The following MBLAC2 variants were observed in gnomAD, a reference collection of about 807,000 sequenced individuals.
MBLAC2 encodes acyl-coenzyme A thioesterase MBLAC2.
Under a neutral mutation model 23.3 loss-of-function variants are expected in MBLAC2, and 24 were observed. The observed-to-expected ratio is 1.03, with a 90% CI of 0.75 to 1.45. MBLAC2 has a LOEUF of 1.45. MBLAC2 is among the 40% of genes most tolerant of loss of function. The probability of loss-of-function intolerance (pLI) is 0.00; values close to 1 mark genes in which losing one functional copy is unlikely to be tolerated. For missense variants in MBLAC2, 358 were observed against 370.0 expected, an observed-to-expected ratio of 0.97 and a Z score of 0.27; for synonymous variants, 162 against 150.9, an observed-to-expected ratio of 1.07 and a Z score of -0.54.
Position 90,461,434 on chromosome 5 carries a change from C to T in MBLAC2, c.573G>A (p.Val191=). ...GCCAGTCAATCAGTGATCCATCATA[C>T]ACGACGTCTCCACTGAAGAGAATCT... The part of the protein sequence containing the change: ...DRKILFSGDV[V]YDGSLIDWLP... The change falls in exon 2 of 2, where the codon GTG becomes GTA. Residue 191 remains valine (V), a synonymous_variant. Coordinates refer to ENST00000316610, the MANE Select transcript of MBLAC2 (RefSeq NM_203406.2). 6.2e-7 allele frequency: 1 copy of T among 1,614,156 alleles called. No individual in the cohort carries two copies.
rs1043763952 is a variant in MBLAC2 at position 90,458,378 on chromosome 5, T to C, written c.*2789A>G. On this transcript the variant is annotated 3_prime_UTR_variant, in exon 2 of 2. Coordinates refer to ENST00000316610, the MANE Select transcript of MBLAC2 (RefSeq NM_203406.2). ...TTTTTGTTTGTTTTAGGCTTCTCAG[T>C]TGAAAGAAAACATCGAGTAAGGAAA... 1 of 152,156 alleles carries C rather than the reference T, an allele frequency of 6.6e-6. No individual in the cohort carries two copies. The highest frequency in any genetic ancestry group is 2.4e-5 in the African/African-American group (1 of 41,456). The allele number at this position is 152,156 out of a possible 1,614,324, so 9.4% of individuals were successfully genotyped here.
intron 1 of MBLAC2, among the ~76,000 whole-genome samples, chr5:90,464,871 T>G (rs994943969): frequency 4.6e-5 from 7 of 152,212 alleles, no homozygotes; most frequent in Non-Finnish European, 7.3e-5. Context: ...TAGGAATAGT[T>G]GGGGAAGGTC....
At chr5:90,465,860 C>T (rs904133956) in intron 1 of MBLAC2, among the ~76,000 whole-genome samples, 10 of 152,120 alleles carry the variant, frequency 6.6e-5, no homozygotes, top group African/African-American at 1.7e-4. Context: ...TCACCATATC[C>T]GGTAATCTTA....
chr5:90,464,805 A>AT (rs1481976682), intron 1 of MBLAC2, among the ~76,000 whole-genome samples: 1 of 152,228 alleles, frequency 6.6e-6, no homozygotes, highest in Admixed American at 6.5e-5. Flanking sequence ...CAATAGATAC[A>AT]TAAAAAGCAT....
In MBLAC2 at chr5:90,458,493, C is replaced by A. The variant is rs1443591873; in HGVS notation, c.*2674G>T. The A allele has an allele frequency of 6.6e-6, 1 of 152,130 alleles. No individual in the cohort carries two copies. Among genetic ancestry groups the A allele is most frequent in the Non-Finnish European group, 1.5e-5 (1 of 68,012 alleles). The allele number at this position is 152,130 out of a possible 1,614,324, so 9.4% of individuals were successfully genotyped here. A position where few individuals can be genotyped will look rare whatever the true frequency, so the allele number is the denominator to read the frequency against. On this transcript the variant is annotated 3_prime_UTR_variant, in exon 2 of 2. Transcript: ENST00000316610. ...TTTTGACAACTTTGAATTATACTTA[C>A]ATACTAATATTTCCAAAAATCATTT...
Position 90,460,826 on chromosome 5 carries a change from T to G in MBLAC2, c.*341A>C, listed in dbSNP as rs1187967392. On this transcript the variant is annotated 3_prime_UTR_variant, in exon 2 of 2. Transcript: ENST00000316610. ...AATACTCTACATGCCTTTTTTTCCC[T>G]AGGTCATCAAGGGAATAAAACAAGA... 1.6e-5 allele frequency: 3 copies of G among 183,514 alleles called. No homozygotes were observed. The East Asian group carries it at 4.2e-4, about 26-fold the overall frequency. The allele number at this position is 183,514 out of a possible 1,614,324, so 11.4% of individuals were successfully genotyped here.
chr5:90,473,507 G>A, intron 1 of MBLAC2: 1 of 586,980 alleles, frequency 1.7e-6, no homozygotes, highest in East Asian at 2.9e-5. Context: ...CTTAGGGAAA[G>A]AATGAGAAAT....
At position 90,473,886 on chromosome 5, in the gene MBLAC2, C is replaced by G; in HGVS notation, c.407G>C (p.Arg136Thr). Residue 136 changes from arginine (R) to threonine (T), a missense_variant, in exon 1 of 2, where the codon AGA becomes ACA. Transcript: ENST00000316610. ...CTGCACCGCCTGTACCCGGAACTGT[C>G]TGGCCCTCCAGCCGGGGCTGGGCGT... ...VRTPSPGWRA[R>T]QFRVQAVQPT... The G allele has an allele frequency of 6.2e-7, 1 of 1,604,708 alleles. No homozygotes were observed.
intron 1 of MBLAC2, among the ~76,000 whole-genome samples, chr5:90,462,034 C>T (rs1339968916): frequency 6.6e-6 from 1 of 152,134 alleles, no homozygotes; most frequent in Non-Finnish European, 1.5e-5. Context: ...ATGAATGTTG[C>T]TCTAGGGAAT....
At position 90,460,973 on chromosome 5, in the gene MBLAC2, A is replaced by T; in HGVS notation, c.*194T>A. 1 of 510,758 alleles carries T rather than the reference A, an allele frequency of 2.0e-6. No homozygotes were observed. Among genetic ancestry groups the T allele is most frequent in the Non-Finnish European group, 3.3e-6 (1 of 298,990 alleles). The allele number at this position is 510,758 out of a possible 1,614,324, so 31.6% of individuals were successfully genotyped here. A position where few individuals can be genotyped will look rare whatever the true frequency, so the allele number is the denominator to read the frequency against. ...GCTTTGGCAAAGTATAAGCTTATTT[A>T]AGTGGCTTCTTTCTTGGAAGAAAGA... On this transcript the variant is annotated 3_prime_UTR_variant, in exon 2 of 2. Transcript: ENST00000316610.
At chr5:90,470,340 T>C (rs751852873) in intron 1 of MBLAC2, among the ~76,000 whole-genome samples, 7 of 152,152 alleles carry the variant, frequency 4.6e-5, no homozygotes, top group Non-Finnish European at 7.3e-5. Context: ...GCTAGAAGAT[T>C]TGGAATGTTT....
intron 1 of MBLAC2, 74 bp downstream of exon 1, chr5:90,473,765 A>T: frequency 2.9e-6 from 4 of 1,391,610 alleles, no homozygotes; most frequent in Non-Finnish European, 4.0e-6. Flanking sequence ...GCAAGTCTGC[A>T]ACATGCGGCA....
At chr5:90,468,161 C>T (rs1750481795) in intron 1 of MBLAC2, among the ~76,000 whole-genome samples, 1 of 152,154 alleles carries the variant, frequency 6.6e-6, no homozygotes, top group African/African-American at 2.4e-5. Flanking sequence ...AACATAATGA[C>T]TATGTGCCTA....
rs1750658778 is a variant in MBLAC2 at position 90,474,353 on chromosome 5, CCACA to C, written c.-65_-62del. ...GGCGTGCGAGTCTCCCACAGGCTGT[CCACA>C]CACAGGGCACTGCGGCTGTGTGAAG... On this transcript the variant is annotated 5_prime_UTR_variant, in exon 1 of 2. Coordinates refer to ENST00000316610, the MANE Select transcript of MBLAC2 (RefSeq NM_203406.2). 3 of 1,473,822 alleles carry C rather than the reference CCACA, an allele frequency of 2.0e-6. No homozygotes were observed. Among genetic ancestry groups the C allele is most frequent in the Admixed American group, 3.6e-5 (2 of 55,554 alleles). The allele number at this position is 1,473,822 out of a possible 1,614,324, so 91.3% of individuals were successfully genotyped here.
chr5:90,467,759 T>G (rs1476197363), intron 1 of MBLAC2, among the ~76,000 whole-genome samples: 1 of 150,270 alleles, frequency 6.7e-6, no homozygotes, highest in African/African-American at 2.5e-5. Context: ...GGGGGCGGTT[T>G]GTTTGTTTTT....
rs752991377 is a variant in MBLAC2, at chr5:90,461,470, G to A, written c.537C>T (p.Asp179=). The change falls in exon 2 of 2, where the codon GAC becomes GAT. Residue 179 remains aspartate, a synonymous_variant. Transcript: ENST00000316610. ...CACTGAAGAGAATCTTTCGGTCTTT[G>A]TCATGTAAGCAAATACTGCCCCTGG... ...GHSRGSICLH[D]KDRKILFSGD... 2 of 1,614,154 alleles carry A rather than the reference G, an allele frequency of 1.2e-6. No homozygotes were observed. The highest frequency in any genetic ancestry group is 1.1e-5 in the South Asian group (1 of 91,078).
chr5:90,464,316 G>A (rs1750416212), intron 1 of MBLAC2, among the ~76,000 whole-genome samples: 1 of 152,180 alleles, frequency 6.6e-6, no homozygotes, highest in Non-Finnish European at 1.5e-5. Context: ...GCTCACTCCT[G>A]TAATCCCAGC....
At chr5:90,465,512 A>G (rs1750432622) in intron 1 of MBLAC2, among the ~76,000 whole-genome samples, 1 of 152,230 alleles carries the variant, frequency 6.6e-6, no homozygotes, top group Non-Finnish European at 1.5e-5. Flanking sequence ...ATACTGTTCA[A>G]TATGGTGTGG....
At chr5:90,473,480 G>A (rs986105268) in intron 1 of MBLAC2, 26 of 578,836 alleles carry the variant, frequency 4.5e-5, no homozygotes, top group Admixed American at 3.7e-4. Flanking sequence ...AAAGCTCCTG[G>A]AAATGTCGGG....
Sources: gnomAD v4.1 joint callset for allele counts (sites outside exome capture counted in the v4.1 genomes callset) on GRCh38, gnomAD v4.1.1 for gene constraint, MANE v1.5 for transcripts, NCBI Gene and HGNC (gene_info 2026-07-23, HGNC 2026-07-21) for gene names.